The following BCL11B variants were observed in gnomAD, a reference collection of about 807,000 sequenced individuals.
The protein encoded by BCL11B is BCL11 transcription factor B.
Under a neutral mutation model 49.9 loss-of-function variants are expected in BCL11B, and 8 were observed. That is an observed-to-expected ratio of 0.16 (90% CI 0.09 to 0.29). The LOEUF is 0.29. Among genes scored for constraint, BCL11B ranks in the 10% least tolerant of loss-of-function variants. BCL11B has a pLI of 1.00. For synonymous variants in BCL11B, 739 were observed against 637.4 expected (o/e 1.16, Z -2.40); for missense variants, 1,006 against 1,351.0 (o/e 0.74, Z 4.00).
chr14:99,173,707 CA>C lies in BCL11B; in HGVS notation c.*443del. 4.3e-6 allele frequency: 1 copy of C among 230,636 alleles called. No homozygotes were observed. Among genetic ancestry groups the C allele is most frequent in the South Asian group, 1.7e-4 (1 of 5,764 alleles). 14.3% of individuals were successfully genotyped at this position (230,636 alleles called of 1,614,324 possible). On this transcript the variant is annotated 3_prime_UTR_variant, in exon 4 of 4. Coordinates refer to ENST00000357195, the MANE Select transcript of BCL11B (RefSeq NM_138576.4). ...AATTACACATGCTTAGCTTAAATTT[CA>C]AAAAAGCAGCACCACCCCTCCCCCC... is the stretch of plus-strand genomic sequence containing the variant.
Position 99,192,879 on chromosome 14 carries a change from GA to G in BCL11B, c.641-16685del, listed in dbSNP as rs1374623032. On this transcript the variant is annotated intron_variant, in intron 3 of 3. Transcript: ENST00000357195. This position sits in a 1 kb window ranked among gnomAD's most constrained non-coding sequence, Gnocchi z 4.0. ...TCAAAATGTAAATGAGTGAATGAATGAATGAATGAATGAATGAGTGAATGAA... is the reference window on the plus strand; with the variant it reads ...TCAAAATGTAAATGAGTGAATGAATGATGAATGAATGAATGAGTGAATGAA... 9.9e-5 allele frequency among the ~76,000 whole-genome samples: 15 copies of G among 152,118 alleles called. No individual in the cohort carries two copies. Among genetic ancestry groups the G allele is most frequent in the Non-Finnish European group, 2.1e-4 (14 of 68,018 alleles).
intron 3 of BCL11B, among the ~76,000 whole-genome samples, chr14:99,217,393 C>CACACATACAGACACACACACATACAG (rs148995343): frequency 2.0e-5 from 3 of 149,502 alleles, no homozygotes; most frequent in African/African-American, 7.4e-5. Context: ...CAGACACACA[C>CACACATACAGACACACACACATACAG]ACACACACAC....
At chr14:99,259,621 G>A (rs530119741) in intron 1 of BCL11B, among the ~76,000 whole-genome samples, 13 of 152,246 alleles carry the variant, frequency 8.5e-5, no homozygotes, top group Middle Eastern at 6.8e-3. Context: ...GAAACGCCCC[G>A]CAGACGAGGA....
Position 99,231,509 on chromosome 14 carries a change from G to A in BCL11B, c.476C>T (p.Ser159Phe). ...QLPAVAPIAA[S>F]SHPHSSVITS... ...GATCACGGATGAGTGAGGGTGGGAG[G>A]AGGCAGCTATGGGGGCCACCGCTGG... Residue 159 changes from serine to phenylalanine, a missense_variant, in exon 3 of 4, where the codon TCC (serine) becomes TTC (phenylalanine). Physicochemically the swap from Ser to Phe is radical, Grantham distance 155. Around this residue, in one of 6 missense-constraint regions of BCL11B, gnomAD observed 411 missense variants for 542.2 expected, o/e 0.76. Transcript: ENST00000357195. The surrounding 1 kb of genome is among the most constrained non-coding windows in gnomAD (Gnocchi z 8.1). The A allele has an allele frequency of 1.3e-6, 2 of 1,599,026 alleles. No homozygotes were observed. The highest frequency in any genetic ancestry group is 1.7e-6 in the Non-Finnish European group (2 of 1,173,186).
Position 99,206,068 on chromosome 14 carries a change from T to C in BCL11B, c.640+25277A>G, listed in dbSNP as rs144949274. Among the ~76,000 whole-genome samples, 769 of 152,246 alleles carry C rather than the reference T, an allele frequency of 5.1e-3. 6 individuals carry two copies. The highest frequency in any genetic ancestry group is 0.018 in the African/African-American group (734 of 41,544). ...ATGGAGGCCAGGGCCAGAGGCCTCC[T>C]GGACCAGATTCTCTCTCCAGGAGCA... On this transcript the variant is annotated intron_variant, in intron 3 of 3. Coordinates refer to ENST00000357195, the MANE Select transcript of BCL11B (RefSeq NM_138576.4).
chr14:99,231,677 C>T lies in BCL11B; in HGVS notation c.428-120G>A. On this transcript the variant is annotated intron_variant, in intron 2 of 3. Coordinates refer to ENST00000357195, the MANE Select transcript of BCL11B (RefSeq NM_138576.4). The surrounding 1 kb of genome is among the most constrained non-coding windows in gnomAD (Gnocchi z 8.1). ...CAGGCCACCCTTCGGGGGTGGGAGG[C>T]CCCCGGGGTGCCAGGCCCTGCAGGG... 9.4e-7 allele frequency: 1 copy of T among 1,066,518 alleles called. No homozygotes were observed. Among genetic ancestry groups the T allele is most frequent in the Non-Finnish European group, 1.3e-6 (1 of 740,792 alleles). The allele number at this position is 1,066,518 out of a possible 1,614,324, so 66.1% of individuals were successfully genotyped here.
At chr14:99,230,245 C>T (rs1399565148) in intron 3 of BCL11B, among the ~76,000 whole-genome samples, 3 of 152,212 alleles carry the variant, frequency 2.0e-5, no homozygotes, top group African/African-American at 4.8e-5. Flanking sequence ...CATCAGGGAC[C>T]GCCTGTGGGG....
rs1240025619 is a variant in BCL11B, at chr14:99,242,238, G to T, written c.428-10681C>A. Among the ~76,000 whole-genome samples the T allele has an allele frequency of 1.3e-5, 2 of 152,154 alleles. No homozygotes were observed. Among genetic ancestry groups the T allele is most frequent in the African/African-American group, 4.8e-5 (2 of 41,438 alleles). The stretch of plus-strand genomic sequence containing the variant: ...GAGCTGCCACTAACAAAAGATGGAA[G>T]ACCCAGTTCATACAGACAATATTTA... On this transcript the variant is annotated intron_variant, in intron 2 of 3. Coordinates refer to ENST00000357195, the MANE Select transcript of BCL11B (RefSeq NM_138576.4). The surrounding 1 kb of genome is among the most constrained non-coding windows in gnomAD (Gnocchi z 4.4).
intron 1 of BCL11B, among the ~76,000 whole-genome samples, chr14:99,264,989 G>A (rs1276057289): frequency 1.3e-5 from 2 of 152,180 alleles, no homozygotes; most frequent in Non-Finnish European, 2.9e-5. Flanking sequence ...GGGACCGGAA[G>A]GAAGCTGAGT....
intron 3 of BCL11B, among the ~76,000 whole-genome samples, chr14:99,230,498 C>T (rs1245402100): frequency 2.0e-5 from 3 of 152,136 alleles, no homozygotes; most frequent in African/African-American, 7.2e-5. Context: ...CAGGCCCTGC[C>T]GAGATGCCGG....
intron 2 of BCL11B, among the ~76,000 whole-genome samples, chr14:99,240,345 TTTTG>T (rs1888625138): frequency 6.6e-6 from 1 of 152,228 alleles, no homozygotes; most frequent in African/African-American, 2.4e-5. Flanking sequence ...CTCCCCTGGA[TTTTG>T]TTTATGACTA....
chr14:99,173,732 C>G lies in BCL11B; in HGVS notation c.*419G>C, dbSNP rs1266198842. On this transcript the variant is annotated 3_prime_UTR_variant, in exon 4 of 4. Coordinates refer to ENST00000357195, the MANE Select transcript of BCL11B (RefSeq NM_138576.4). Reference sequence around the variant, plus strand: ...CAAAAAAGCAGCACCACCCCTCCCCCCAAATTATAATTTAAAAGATATGCT... The same window carrying G: ...CAAAAAAGCAGCACCACCCCTCCCCGCAAATTATAATTTAAAAGATATGCT... The G allele has an allele frequency of 8.4e-6, 2 of 237,090 alleles. No homozygotes were observed. Among genetic ancestry groups the G allele is most frequent in the African/African-American group, 2.2e-5 (1 of 45,150 alleles). The allele number at this position is 237,090 out of a possible 1,614,324, so 14.7% of individuals were successfully genotyped here.
chr14:99,237,924 G>T (rs968041335), intron 2 of BCL11B, among the ~76,000 whole-genome samples: 2 of 152,084 alleles, frequency 1.3e-5, no homozygotes, highest in South Asian at 2.1e-4. Context: ...ACTGAGGAGT[G>T]CCAGGCTGCA....
rs1419797076 is a variant in BCL11B, at chr14:99,247,896, TG to T, written c.427+9574del. Among the ~76,000 whole-genome samples the T allele has an allele frequency of 2.0e-5, 3 of 152,112 alleles. No individual in the cohort carries two copies. Among genetic ancestry groups the T allele is most frequent in the African/African-American group, 7.2e-5 (3 of 41,430 alleles). ...GGCACTCAGCCCCCAGGGCAGGGGA[TG>T]GGGGGAAAACAGCCCTGATCAAACA... On this transcript the variant is annotated intron_variant, in intron 2 of 3. Transcript: ENST00000357195. The surrounding 1 kb of genome is among the most constrained non-coding windows in gnomAD (Gnocchi z 4.5).
intron 2 of BCL11B, among the ~76,000 whole-genome samples, chr14:99,246,099 C>A (rs1352857427): frequency 6.6e-6 from 1 of 151,630 alleles, no homozygotes; most frequent in Non-Finnish European, 1.5e-5. Flanking sequence ...CACGGATGCA[C>A]GAGGGAAACC....
intron 3 of BCL11B, among the ~76,000 whole-genome samples, chr14:99,226,949 T>C (rs143002870): frequency 6.7e-4 from 102 of 152,352 alleles, no homozygotes; most frequent in African/African-American, 2.4e-3. Flanking sequence ...GATTTCAGCA[T>C]ATACTAATGA....
chr14:99,245,821 C>G lies in BCL11B; in HGVS notation c.427+11650G>C, dbSNP rs538379010. On this transcript the variant is annotated intron_variant, in intron 2 of 3. Coordinates refer to ENST00000357195, the MANE Select transcript of BCL11B (RefSeq NM_138576.4). Reference sequence around the variant, plus strand: ...CCGTGCGCACAAAGGGGCCCGGGGCCGGCAGGCTCCCCGCCCTTGACCTTG... The same window carrying G: ...CCGTGCGCACAAAGGGGCCCGGGGCGGGCAGGCTCCCCGCCCTTGACCTTG... Among the ~76,000 whole-genome samples, 1,096 of 152,222 alleles carry G rather than the reference C, an allele frequency of 7.2e-3. 9 individuals are homozygous for G. The highest frequency in any genetic ancestry group is 0.012 in the Non-Finnish European group (783 of 67,976).
rs1887117261 is a variant in BCL11B, at chr14:99,194,246, C to T, written c.641-18051G>A. Among the ~76,000 whole-genome samples the T allele has an allele frequency of 6.6e-6, 1 of 152,106 alleles. No homozygotes were observed. Among genetic ancestry groups the T allele is most frequent in the Non-Finnish European group, 1.5e-5 (1 of 68,014 alleles). ...CCCAGCACAGAGCAAGTGCTGCTGG[C>T]CCCGGACTGTCCCCCAGCAGCAGAA... On this transcript the variant is annotated intron_variant, in intron 3 of 3. Transcript: ENST00000357195. The surrounding 1 kb of genome is among the most constrained non-coding windows in gnomAD (Gnocchi z 4.6).
chr14:99,252,963 C>T (rs890693778), intron 2 of BCL11B, among the ~76,000 whole-genome samples: 2 of 152,268 alleles, frequency 1.3e-5, no homozygotes, highest in South Asian at 2.1e-4. Context: ...AAGAAAAACA[C>T]GTACTCGGCA....
Sources: allele counts gnomAD v4.1 joint callset (sites outside exome capture counted in the v4.1 genomes callset), GRCh38; gene constraint gnomAD v4.1.1; regional missense constraint gnomAD v4.1.1; non-coding constraint Gnocchi (gnomAD v3.1); transcripts MANE v1.5; gene names NCBI Gene and HGNC (gene_info 2026-07-23, HGNC 2026-07-21).